CFAP210: variants seen among roughly 807,000 people sequenced by gnomAD.
The protein encoded by CFAP210 is cilia- and flagella- associated protein 210.
the CFAP210 span, among the ~76,000 whole-genome samples, chr2:169,686,265 T>C: frequency 1.3e-5 from 2 of 151,986 alleles, no homozygotes; most frequent in African/African-American, 4.8e-5. Flanking sequence ...AGATTCAAAA[T>C]TGTTTTAGCT....
At chr2:169,666,550 C>T in the CFAP210 span, among the ~76,000 whole-genome samples, 3 of 151,680 alleles carry the variant, frequency 2.0e-5, no homozygotes, top group Admixed American at 6.6e-5. Context: ...CACTAGAATT[C>T]GAGCTTCTTG....
chr2:169,663,470 G>C, the CFAP210 span, among the ~76,000 whole-genome samples: 4 of 151,998 alleles, frequency 2.6e-5, no homozygotes, highest in Non-Finnish European at 4.4e-5. Flanking sequence ...CAAAGTGTTG[G>C]GATTACAGGC....
chr2:169,685,633 C>A, the CFAP210 span, among the ~76,000 whole-genome samples: 1 of 151,938 alleles, frequency 6.6e-6, no homozygotes, highest in Non-Finnish European at 1.5e-5. Flanking sequence ...ATCTGTTTTT[C>A]TTGGGTTGAT....
chr2:169,651,837 T>C, the CFAP210 span, among the ~76,000 whole-genome samples: 3 of 151,936 alleles, frequency 2.0e-5, no homozygotes, highest in African/African-American at 7.3e-5. Flanking sequence ...TTTTTTAACT[T>C]GATCTGTTTA....
chr2:169,656,995 G>GTAAAAAAAAAAGAACAGAT, the CFAP210 span, among the ~76,000 whole-genome samples: 4 of 96,974 alleles, frequency 4.1e-5, no homozygotes, highest in Admixed American at 9.3e-5. Context: ...AAAGAACAGA[G>GTAAAAAAAAAAGAACAGAT]TAAAAAAAAA....
the CFAP210 span, among the ~76,000 whole-genome samples, chr2:169,655,304 G>A: frequency 2.0e-5 from 3 of 152,068 alleles, no homozygotes; most frequent in African/African-American, 4.8e-5. Flanking sequence ...GGCATATTCT[G>A]TTATTATGTA....
At chr2:169,685,940 A>G in the CFAP210 span, among the ~76,000 whole-genome samples, 1 of 152,104 alleles carries the variant, frequency 6.6e-6, no homozygotes, top group Non-Finnish European at 1.5e-5. Flanking sequence ...GGTTTATTTC[A>G]TTATTTCTAT....
the CFAP210 span, chr2:169,660,776 A>T: frequency 4.4e-6 from 1 of 228,076 alleles, no homozygotes; most frequent in Non-Finnish European, 8.7e-6. Context: ...TATTTTTTGT[A>T]TTTTTTGTGG....
the CFAP210 span, among the ~76,000 whole-genome samples, chr2:169,678,415 G>C: frequency 6.6e-6 from 1 of 151,542 alleles, no homozygotes; most frequent in South Asian, 2.1e-4. Context: ...TATGTTCATG[G>C]TTCAGAAGAT....
At chr2:169,692,686 C>T in the CFAP210 span, among the ~76,000 whole-genome samples, 3 of 152,254 alleles carry the variant, frequency 2.0e-5, no homozygotes, top group East Asian at 1.9e-4. Context: ...TTTAAAATTG[C>T]CACTGAACAT....
chr2:169,672,557 GTGCA>G, the CFAP210 span, among the ~76,000 whole-genome samples: 1 of 152,326 alleles, frequency 6.6e-6, no homozygotes, highest in Admixed American at 6.5e-5. Context: ...CAAGCTGCTG[GTGCA>G]AGTCCCAGAG....
At chr2:169,645,653 CCA>C in the CFAP210 span, 3 of 547,418 alleles carry the variant, frequency 5.5e-6, no homozygotes, top group South Asian at 5.1e-5. Context: ...GTGTATTTTA[CCA>C]CAGTTAAAAA....
the CFAP210 span, chr2:169,650,232 G>A: frequency 8.2e-7 from 1 of 1,222,364 alleles, no homozygotes; most frequent in Non-Finnish European, 1.1e-6. Context: ...TAATATCTTG[G>A]CTAGTTTTTG....
At chr2:169,665,623 A>G in the CFAP210 span, among the ~76,000 whole-genome samples, 1 of 152,220 alleles carries the variant, frequency 6.6e-6, no homozygotes, top group African/African-American at 2.4e-5. Flanking sequence ...GTTGCCAGTG[A>G]GGCAATGGGC....
At chr2:169,682,720 G>C in the CFAP210 span, among the ~76,000 whole-genome samples, 1 of 152,126 alleles carries the variant, frequency 6.6e-6, no homozygotes, top group Non-Finnish European at 1.5e-5. Flanking sequence ...ACGATGGGTG[G>C]CCACAGGCAT....
chr2:169,670,367 T>C, the CFAP210 span, among the ~76,000 whole-genome samples: 1 of 152,184 alleles, frequency 6.6e-6, no homozygotes, highest in Non-Finnish European at 1.5e-5. Context: ...AGCCCCACAG[T>C]AGCATAGGAT....
At chr2:169,681,276 A>G in the CFAP210 span, 1 of 1,404,644 alleles carries the variant, frequency 7.1e-7, no homozygotes, top group East Asian at 2.5e-5. Flanking sequence ...TTACGGGAAC[A>G]GTTTAAGTGA....
chr2:169,670,170 T>C, the CFAP210 span, among the ~76,000 whole-genome samples: 2 of 152,330 alleles, frequency 1.3e-5, no homozygotes, highest in African/African-American at 4.8e-5. Flanking sequence ...TACCTATATA[T>C]AGAAGAAAGA....
At chr2:169,691,645 A>C in the CFAP210 span, among the ~76,000 whole-genome samples, 8 of 152,130 alleles carry the variant, frequency 5.3e-5, no homozygotes, top group Non-Finnish European at 1.0e-4. Context: ...TTTCAAAGAC[A>C]CTTTCTATTG....
Sources: gnomAD v4.1 joint callset for allele counts (sites outside exome capture counted in the v4.1 genomes callset) on GRCh38, gnomAD v4.1.1 for gene constraint, MANE v1.5 for transcripts, NCBI Gene and HGNC (gene_info 2026-07-23, HGNC 2026-07-21) for gene names.